Variants in NOS1AP observed in about 807,000 individuals in gnomAD.
NOS1AP encodes carboxyl-terminal PDZ ligand of neuronal nitric oxide synthase protein.
A neutral mutation model predicts 56.2 loss-of-function variants in NOS1AP; 21 were observed. The ratio of observed to expected loss-of-function variants is 0.37; its 90% CI spans 0.26 to 0.54. The LOEUF is 0.54. Ranked by LOEUF, NOS1AP falls within the 20% of genes least tolerant of loss-of-function variation. NOS1AP has a pLI of 0.84. For synonymous variants in NOS1AP, 270 were observed against 274.6 expected (o/e 0.98, Z 0.17); for missense variants, 522 against 657.8 (o/e 0.79, Z 2.26).
intron 4 of NOS1AP, among the ~76,000 whole-genome samples, chr1:162,331,626 ACCTAC>A (rs1455919490): frequency 4.6e-5 from 7 of 152,214 alleles, no homozygotes; most frequent in Non-Finnish European, 8.8e-5. Flanking sequence ...TACAGCACAG[ACCTAC>A]ACTAAAACAA....
intron 2 of NOS1AP, among the ~76,000 whole-genome samples, chr1:162,220,779 T>C (rs145219572): frequency 3.2e-4 from 49 of 152,330 alleles, no homozygotes; most frequent in African/African-American, 1.2e-3. Flanking sequence ...CCAGCTTTTG[T>C]TTTTGTTTTT....
chr1:162,085,730 C>A (rs1417943428), intron 1 of NOS1AP, among the ~76,000 whole-genome samples: 6 of 152,040 alleles, frequency 3.9e-5, no homozygotes, highest in Non-Finnish European at 8.8e-5. Flanking sequence ...TGTTGAAGGC[C>A]AGAGAGAGAT....
intron 5 of NOS1AP, among the ~76,000 whole-genome samples, chr1:162,335,385 C>T (rs762289728): frequency 4.6e-5 from 7 of 152,194 alleles, no homozygotes; most frequent in East Asian, 1.9e-4. Context: ...GTGAATTGTT[C>T]GGCAAAGGAT....
chr1:162,251,600 ATATGTGTG>A lies in NOS1AP; in HGVS notation c.178-35742_178-35735del, dbSNP rs1465589704. The stretch of plus-strand genomic sequence containing the variant: ...CAGGCTGGGTTTATTTAAAATATAT[ATATGTGTG>A]TGTGTGTGTGTGTGTGTGTGTGTGT... On this transcript the variant is annotated intron_variant, in intron 2 of 9. Transcript: ENST00000361897. 2.4e-4 allele frequency among the ~76,000 whole-genome samples: 24 copies of A among 99,938 alleles called. No homozygotes were observed. The Admixed American group carries it at 2.5e-3, about 10-fold the overall frequency. The allele number at this position is 99,938 out of a possible 152,430, so 65.6% of individuals were successfully genotyped here.
At chr1:162,213,981 A>G (rs1206369498) in intron 2 of NOS1AP, among the ~76,000 whole-genome samples, 4 of 152,158 alleles carry the variant, frequency 2.6e-5, no homozygotes, top group African/African-American at 9.7e-5. Context: ...AAGACCTAAA[A>G]TCCAGCACTG....
At chr1:162,260,389 T>G (rs1375750876) in intron 2 of NOS1AP, among the ~76,000 whole-genome samples, 2 of 152,020 alleles carry the variant, frequency 1.3e-5, no homozygotes, top group African/African-American at 4.8e-5. Context: ...GAGGGAGAAA[T>G]ATTTGTCTCT....
At chr1:162,326,558 G>C (rs1656597269) in intron 4 of NOS1AP, among the ~76,000 whole-genome samples, 1 of 152,186 alleles carries the variant, frequency 6.6e-6, no homozygotes, top group Admixed American at 6.5e-5. Context: ...ACATGATTAT[G>C]GAGGCTGAGA....
At chr1:162,244,563 C>A (rs1205376215) in intron 2 of NOS1AP, among the ~76,000 whole-genome samples, 1 of 152,102 alleles carries the variant, frequency 6.6e-6, no homozygotes, top group African/African-American at 2.4e-5. Context: ...AGTGACCGAG[C>A]TAGGAATAGA....
chr1:162,136,656 G>A (rs1206869923), intron 1 of NOS1AP, among the ~76,000 whole-genome samples: 9 of 152,260 alleles, frequency 5.9e-5, no homozygotes, highest in South Asian at 2.1e-4. Flanking sequence ...GGTAAATAGG[G>A]TACTCTCTAC....
chr1:162,179,514 A>G (rs1205080260), intron 2 of NOS1AP, among the ~76,000 whole-genome samples: 1 of 152,242 alleles, frequency 6.6e-6, no homozygotes, highest in Non-Finnish European at 1.5e-5. Flanking sequence ...AGATGCATCC[A>G]GTCTGTTGGG....
chr1:162,112,017 T>C (rs1647729436), intron 1 of NOS1AP, among the ~76,000 whole-genome samples: 1 of 152,136 alleles, frequency 6.6e-6, no homozygotes, highest in Non-Finnish European at 1.5e-5. Context: ...CTCAGGCCAG[T>C]GCTCCTTCGT....
At chr1:162,119,385 A>T (rs1447567957) in intron 1 of NOS1AP, among the ~76,000 whole-genome samples, 6 of 152,212 alleles carry the variant, frequency 3.9e-5, no homozygotes, top group African/African-American at 7.2e-5. Flanking sequence ...TTCTGCAAGC[A>T]TTGAGCTCGT....
At chr1:162,141,898 T>C (rs1649251409) in intron 1 of NOS1AP, among the ~76,000 whole-genome samples, 1 of 152,186 alleles carries the variant, frequency 6.6e-6, no homozygotes, top group Non-Finnish European at 1.5e-5. Context: ...GTCTTTATAG[T>C]GCAGGAGGAG....
In NOS1AP at chr1:162,369,789, T is replaced by C. The variant is rs164588; in HGVS notation, c.*2322T>C. 151,870 of 152,210 alleles carry C rather than the reference T, an allele frequency of 1. 75,766 individuals are homozygous for C. The highest frequency in any genetic ancestry group is 1 in the Non-Finnish European group (68,102 of 68,102). The allele number at this position is 152,210 out of a possible 1,614,324, so 9.4% of individuals were successfully genotyped here. ...CCTGGAGGACTAGTTTGTGTATTGG[T>C]ATCCTCCCCAGTGGACCCAAACCAG... On this transcript the variant is annotated 3_prime_UTR_variant, in exon 10 of 10. Coordinates refer to ENST00000361897, the MANE Select transcript of NOS1AP (RefSeq NM_014697.3).
intron 2 of NOS1AP, among the ~76,000 whole-genome samples, chr1:162,252,134 C>A (rs1653882541): frequency 1.3e-5 from 2 of 151,918 alleles, no homozygotes; most frequent in African/African-American, 2.4e-5. Context: ...CAGCCCTCAA[C>A]CTCACAGGTC....
chr1:162,347,586 G>A (rs1208988341), intron 6 of NOS1AP, among the ~76,000 whole-genome samples: 2 of 152,168 alleles, frequency 1.3e-5, no homozygotes, highest in Non-Finnish European at 2.9e-5. Context: ...AGCATTTTAT[G>A]TAAACAACAC....
chr1:162,312,845 TA>T (rs1489842895), intron 4 of NOS1AP, among the ~76,000 whole-genome samples: 1 of 151,846 alleles, frequency 6.6e-6, no homozygotes, highest in Non-Finnish European at 1.5e-5. Context: ...TCAATAAATG[TA>T]ATCCAGCATA....
Position 162,370,329 on chromosome 1 carries a change from C to T in NOS1AP, c.*2862C>T, listed in dbSNP as rs191266022. The T allele has an allele frequency of 4.6e-5, 7 of 152,346 alleles. No individual in the cohort carries two copies. The East Asian group carries it at 1.2e-3, about 25-fold the overall frequency. The allele number at this position is 152,346 out of a possible 1,614,324, so 9.4% of individuals were successfully genotyped here. A position where few individuals can be genotyped will look rare whatever the true frequency, so the allele number is the denominator to read the frequency against. ...CTGCTTCCTCCTAACCCTCTACCCACTAGCACTCTACTTCCTAAAGCTGTT... is the reference window on the plus strand; with the variant it reads ...CTGCTTCCTCCTAACCCTCTACCCATTAGCACTCTACTTCCTAAAGCTGTT... On this transcript the variant is annotated 3_prime_UTR_variant, in exon 10 of 10. Transcript: ENST00000361897.
chr1:162,146,617 A>G (rs1283571342), intron 1 of NOS1AP, among the ~76,000 whole-genome samples: 1 of 152,160 alleles, frequency 6.6e-6, no homozygotes, highest in Non-Finnish European at 1.5e-5. Flanking sequence ...AAGCCTCACC[A>G]AGAGCAGTTC....
Sources: allele counts gnomAD v4.1 joint callset (sites outside exome capture counted in the v4.1 genomes callset), GRCh38; gene constraint gnomAD v4.1.1; transcripts MANE v1.5; gene names NCBI Gene and HGNC (gene_info 2026-07-23, HGNC 2026-07-21).